AP4E1: variants seen among roughly 807,000 people sequenced by gnomAD.
AP4E1 encodes AP-4 complex subunit epsilon-1.
In AP4E1, 56 loss-of-function variants were observed where a neutral mutation model predicts 128.2. The observed-to-expected ratio is 0.44, with a 90% confidence interval of 0.35 to 0.55. AP4E1 has a LOEUF of 0.55. Among genes scored for constraint, AP4E1 ranks in the 20% least tolerant of loss-of-function variants. AP4E1 has a pLI of 0.00. For synonymous variants in AP4E1, 484 were observed against 473.1 expected (o/e 1.02, Z -0.30); for missense variants, 1,324 against 1,307.7 (o/e 1.01, Z -0.19).
chr15:50,964,951 C>T (rs1366249940), intron 14 of AP4E1, among the ~76,000 whole-genome samples: 2 of 51,654 alleles, frequency 3.9e-5, no homozygotes, highest in African/African-American at 1.7e-4. Context: ...AACACCTCCC[C>T]CTACCACACA....
intron 4 of AP4E1, 96 bp from the exon 5 acceptor site, chr15:50,925,002 A>T (rs2063751880): frequency 1.4e-6 from 2 of 1,420,770 alleles, no homozygotes; most frequent in East Asian, 4.7e-5. Flanking sequence ...AAATAGCACA[A>T]AATTACTAAG....
At chr15:50,972,852 C>T (rs1180845363) in intron 15 of AP4E1, among the ~76,000 whole-genome samples, 1 of 152,176 alleles carries the variant, frequency 6.6e-6, no homozygotes, top group Non-Finnish European at 1.5e-5. Context: ...GGGGGCATGT[C>T]TTCTGAGGGT....
chr15:50,920,136 C>T (rs1407462767), intron 3 of AP4E1, among the ~76,000 whole-genome samples: 1 of 88,270 alleles, frequency 1.1e-5, no homozygotes, highest in East Asian at 3.9e-4. Flanking sequence ...TTTTTTGAGA[C>T]GGAGTCTCGC....
intron 10 of AP4E1, 148 bp downstream of exon 10, chr15:50,941,923 G>A: frequency 1.5e-6 from 1 of 669,876 alleles, no homozygotes; most frequent in Non-Finnish European, 2.6e-6. Context: ...TCCTTTTTTT[G>A]TTTTCTATTT....
intron 16 of AP4E1, among the ~76,000 whole-genome samples, chr15:50,987,962 T>TTA (rs200990623): frequency 0.01 from 1,557 of 151,774 alleles, 11 homozygotes; most frequent in African/African-American, 0.012. Flanking sequence ...TTGCTACATA[T>TTA]TATATATATA....
intron 4 of AP4E1, among the ~76,000 whole-genome samples, 182 bp downstream of exon 4, chr15:50,924,186 T>G (rs902043196): frequency 1.3e-5 from 2 of 152,106 alleles, no homozygotes; most frequent in Non-Finnish European, 2.9e-5. Context: ...ACTTACAGAG[T>G]TGTGAAGATT....
intron 14 of AP4E1, among the ~76,000 whole-genome samples, chr15:50,961,089 A>G (rs1419083574): frequency 6.6e-6 from 1 of 152,092 alleles, no homozygotes; most frequent in African/African-American, 2.4e-5. Context: ...GAAAACCTGA[A>G]TGAATAATGA....
upstream of AP4E1, among the ~76,000 whole-genome samples, chr15:50,908,276 C>T (rs963921538): frequency 1.3e-5 from 2 of 152,150 alleles, no homozygotes; most frequent in Non-Finnish European, 2.9e-5. Flanking sequence ...GCGCCGGGGA[C>T]CCGCGTGAAA....
In AP4E1 at chr15:50,995,885, C is replaced by CAA. The variant is rs773763666; in HGVS notation, c.2347-1430_2347-1429dup. Among the ~76,000 whole-genome samples, 33 of 105,820 alleles carry CAA rather than the reference C, an allele frequency of 3.1e-4. 1 individual carries two copies. The highest frequency in any genetic ancestry group is 1.1e-3 in the African/African-American group (32 of 28,810). 69.4% of individuals were successfully genotyped at this position (105,820 alleles called of 152,430 possible). ...AAACTATCCAAAATGAAACATAGAC[C>CAA]AAAAAAAAAAAAGACCAGAAAAGAC... On this transcript the variant is annotated intron_variant, in intron 17 of 20. Transcript: ENST00000261842.
Position 50,912,152 on chromosome 15 carries a change from A to G in AP4E1, c.222+3A>G, listed in dbSNP as rs554360704. 47 of 1,612,728 alleles carry G rather than the reference A, an allele frequency of 2.9e-5. No homozygotes were observed. In the East Asian group the frequency reaches 6.7e-4, roughly 23 times the overall value. On this transcript the variant is annotated splice_donor_region_variant and intron_variant, in intron 2 of 20. Coordinates refer to ENST00000261842, the MANE Select transcript of AP4E1 (RefSeq NM_007347.5). Reference sequence around the variant, plus strand: ...TTTCTGCTCCTACTACAACACTGGTAGGTTTGCATAGTCAGTGCCAACACA... The same window carrying G: ...TTTCTGCTCCTACTACAACACTGGTGGGTTTGCATAGTCAGTGCCAACACA...
intron 13 of AP4E1, 112 bp downstream of exon 13, chr15:50,950,281 T>C (rs1252682702): frequency 2.8e-6 from 2 of 702,744 alleles, no homozygotes; most frequent in Admixed American, 5.6e-5. Flanking sequence ...CCTTCAGCTG[T>C]CAATTTTTCA....
At chr15:50,998,399 A>C (rs2064910526) in intron 18 of AP4E1, among the ~76,000 whole-genome samples, 1 of 151,974 alleles carries the variant, frequency 6.6e-6, no homozygotes, top group Non-Finnish European at 1.5e-5. Flanking sequence ...TGGGAGGCTG[A>C]GGTGGGTGGA....
chr15:50,963,267 T>C (rs569779615), intron 14 of AP4E1, among the ~76,000 whole-genome samples: 2 of 152,134 alleles, frequency 1.3e-5, no homozygotes, highest in Admixed American at 1.3e-4. Context: ...GGAAAGGAAA[T>C]CATTATTTCA....
At chr15:50,946,200 T>C (rs1456864267) in intron 10 of AP4E1, among the ~76,000 whole-genome samples, 1 of 152,228 alleles carries the variant, frequency 6.6e-6, no homozygotes, top group Non-Finnish European at 1.5e-5. Flanking sequence ...CTGCATTCTT[T>C]TATTGAAGAA....
rs2063752978 is a variant in AP4E1, at chr15:50,925,116, C to G, written c.439C>G (p.Leu147Val). Residue 147 changes from leucine to valine, a missense_variant, in exon 5 of 21, where the codon CTA (leucine) becomes GTA (valine). By Grantham distance (32) the Leu-to-Val change is conservative. Transcript: ENST00000261842. ...TVVKDLQSTN[L>V]VEVCMALTVV... Reference sequence around the variant, plus strand: ...GTGCCAGGATCTGCAGAGCACTAACCTAGTAGAAGTGTGTATGGCACTGAC... The same window carrying G: ...GTGCCAGGATCTGCAGAGCACTAACGTAGTAGAAGTGTGTATGGCACTGAC... 4 of 1,613,962 alleles carry G rather than the reference C, an allele frequency of 2.5e-6. No homozygotes were observed. The East Asian group carries it at 6.7e-5, about 27-fold the overall frequency.
rs2063573043 is a variant in AP4E1, at chr15:50,912,111, A to C, written c.184A>C (p.Ser62Arg). 1 of 1,614,048 alleles carries C rather than the reference A, an allele frequency of 6.2e-7. No homozygotes were observed. The highest frequency in any genetic ancestry group is 8.5e-7 in the Non-Finnish European group (1 of 1,180,002). The change falls in exon 2 of 21, where the codon AGT becomes CGT. Residue 62 changes from serine to arginine, a missense_variant. Physicochemically the swap from Ser to Arg is moderately radical, Grantham distance 110 (BLOSUM62 -1). Transcript: ENST00000261842. ...AAAATTAATCCAGCAGGAACTGAGT[A>C]GTCTGAAAGCGACTGTTTCTGCTCC... is the stretch of plus-strand genomic sequence containing the variant. The part of the protein sequence containing the change: ...EEKLIQQELS[S>R]LKATVSAPTT...
chr15:50,929,274 A>G (rs2063803718), intron 6 of AP4E1, 106 bp downstream of exon 6: 1 of 1,256,120 alleles, frequency 8.0e-7, no homozygotes, highest in Non-Finnish European at 1.1e-6. Flanking sequence ...TTAACATTTT[A>G]TAATTTTATT....
chr15:50,977,551 A>G (rs1241185147), intron 15 of AP4E1, among the ~76,000 whole-genome samples: 1 of 152,172 alleles, frequency 6.6e-6, no homozygotes, highest in African/African-American at 2.4e-5. Flanking sequence ...GAGACAAGAT[A>G]TAGCAAGTAT....
intron 10 of AP4E1, among the ~76,000 whole-genome samples, chr15:50,942,524 G>T (rs187828683): frequency 1.5e-3 from 231 of 151,460 alleles, no homozygotes; most frequent in Admixed American, 4.3e-3. Flanking sequence ...AATATTGAAA[G>T]AATTAATGAA....
Sources: gnomAD v4.1 joint callset for allele counts (sites outside exome capture counted in the v4.1 genomes callset) on GRCh38, gnomAD v4.1.1 for gene constraint, MANE v1.5 for transcripts, NCBI Gene and HGNC (gene_info 2026-07-23, HGNC 2026-07-21) for gene names.